The following CD9 variants were observed in gnomAD, a reference collection of about 807,000 sequenced individuals.
CD9 encodes the protein CD9 molecule.
In CD9, 10 loss-of-function variants were observed where a neutral mutation model predicts 31.4. That is an observed-to-expected ratio of 0.32 (90% CI 0.20 to 0.54). The LOEUF (loss-of-function observed/expected upper bound fraction) is 0.54. CD9 is among the 20% of genes least tolerant of loss of function. The pLI, the probability that CD9 is intolerant of heterozygous loss-of-function variation, is 0.94. For synonymous variants in CD9, 113 were observed against 114.1 expected, an observed-to-expected ratio of 0.99 and a Z score of 0.06; for missense variants, 259 against 300.1, an observed-to-expected ratio of 0.86 and a Z score of 1.01.
chr12:6,207,059 T>G (rs376213754), intron 1 of CD9, among the ~76,000 whole-genome samples: 83 of 152,232 alleles, frequency 5.5e-4, no homozygotes, highest in African/African-American at 1.9e-3. Flanking sequence ...CGGCTAATTT[T>G]TTTGTACAGA....
intron 4 of CD9, among the ~76,000 whole-genome samples, chr12:6,233,719 G>A (rs993954518): frequency 9.9e-5 from 15 of 152,062 alleles, no homozygotes; most frequent in African/African-American, 3.6e-4. Flanking sequence ...CATAGTAGAT[G>A]TTCAGAAACT....
intron 7 of CD9, 51 bp from the exon 8 acceptor site, chr12:6,237,712 C>A: frequency 7.2e-7 from 1 of 1,394,644 alleles, no homozygotes; most frequent in Non-Finnish European, 1.0e-6. Context: ...TTCCCTCAGC[C>A]TTCCTTCAGA....
At chr12:6,212,762 C>CCA (rs1378094989) in intron 1 of CD9, among the ~76,000 whole-genome samples, 1 of 152,192 alleles carries the variant, frequency 6.6e-6, no homozygotes, top group Admixed American at 6.5e-5. Context: ...ATCTCAGTGT[C>CCA]TAGAGCACTA....
At chr12:6,225,614 C>G in intron 2 of CD9, 80 bp downstream of exon 2, 1 of 875,354 alleles carries the variant, frequency 1.1e-6, no homozygotes, top group South Asian at 1.4e-5. Context: ...CCATGTTGAC[C>G]CAGGGACTTG....
upstream of CD9, chr12:6,200,398 A>G (rs1946061101): frequency 6.5e-6 from 5 of 764,410 alleles, no homozygotes; most frequent in Non-Finnish European, 9.4e-6. Context: ...AGACCAGCCT[A>G]CAGCCGCCTG....
intron 2 of CD9, among the ~76,000 whole-genome samples, chr12:6,228,017 G>T (rs559608776): frequency 6.6e-6 from 1 of 152,292 alleles, no homozygotes; most frequent in African/African-American, 2.4e-5. Flanking sequence ...GTGGCCGGTG[G>T]TCCTACCTGA....
At chr12:6,207,707 A>C (rs1367846084) in intron 1 of CD9, among the ~76,000 whole-genome samples, 2 of 152,218 alleles carry the variant, frequency 1.3e-5, no homozygotes, top group African/African-American at 2.4e-5. Flanking sequence ...CAAGGAGTTG[A>C]GAAGCAGCCT....
chr12:6,221,556 G>A lies in CD9; in HGVS notation c.67-3870G>A, dbSNP rs143796620. Among the ~76,000 whole-genome samples, 98 of 152,220 alleles carry A rather than the reference G, an allele frequency of 6.4e-4. No homozygotes were observed. The East Asian group carries it at 0.014, about 21-fold the overall frequency. On this transcript the variant is annotated intron_variant, in intron 1 of 7. Transcript: ENST00000009180. ...CCTGGGTGGAAGCCATCGACCCCTTGGCCTCCCGGACTCCTATATTCTCAT... is the reference window on the plus strand; with the variant it reads ...CCTGGGTGGAAGCCATCGACCCCTTAGCCTCCCGGACTCCTATATTCTCAT...
intron 2 of CD9, among the ~76,000 whole-genome samples, chr12:6,227,490 G>A (rs530263627): frequency 9.2e-5 from 14 of 152,238 alleles, no homozygotes; most frequent in Non-Finnish European, 1.6e-4. Context: ...GAGCCACCTC[G>A]CCCGGCTGGA....
intron 2 of CD9, among the ~76,000 whole-genome samples, chr12:6,226,526 G>A (rs1195672375): frequency 6.6e-6 from 1 of 152,178 alleles, no homozygotes; most frequent in East Asian, 1.9e-4. Flanking sequence ...GTCCCTCAGG[G>A]AGAAGCAAGG....
chr12:6,210,486 C>A (rs1338223883), intron 1 of CD9, among the ~76,000 whole-genome samples: 1 of 152,142 alleles, frequency 6.6e-6, no homozygotes, highest in East Asian at 1.9e-4. Context: ...CACCCACTAC[C>A]CCCACTGCCC....
upstream of CD9, chr12:6,200,213 G>A (rs1031497328): frequency 2.0e-4 from 33 of 162,778 alleles, 1 homozygote; most frequent in Non-Finnish European, 2.1e-4. Context: ...GGGCAGCTGG[G>A]GCCGGGGCTC....
At position 6,228,013 on chromosome 12, in the gene CD9, G is replaced by A. The variant is rs532324107; in HGVS notation, c.175+2479G>A. Among the ~76,000 whole-genome samples, 125 of 152,320 alleles carry A rather than the reference G, an allele frequency of 8.2e-4. 1 individual carries two copies. The highest frequency in any genetic ancestry group is 2.9e-3 in the African/African-American group (120 of 41,582). ...TCATTGCAGGGCCCTGCTGGTGGCC[G>A]GTGGTCCTACCTGAAGTGACCAGGA... On this transcript the variant is annotated intron_variant, in intron 2 of 7. Coordinates refer to ENST00000009180, the MANE Select transcript of CD9 (RefSeq NM_001769.4).
At chr12:6,220,288 G>A (rs888424259) in intron 1 of CD9, among the ~76,000 whole-genome samples, 4 of 152,304 alleles carry the variant, frequency 2.6e-5, no homozygotes, top group African/African-American at 7.2e-5. Context: ...GGCTGAACTC[G>A]GGAAACTTGG....
intron 1 of CD9, among the ~76,000 whole-genome samples, chr12:6,215,415 A>T (rs1946234518): frequency 6.6e-6 from 1 of 152,104 alleles, no homozygotes; most frequent in South Asian, 2.1e-4. Context: ...GTGTTGGAAA[A>T]CAGAGTGCCG....
intron 1 of CD9, among the ~76,000 whole-genome samples, chr12:6,207,789 G>A (rs556126479): frequency 6.6e-6 from 1 of 152,212 alleles, no homozygotes; most frequent in Non-Finnish European, 1.5e-5. Context: ...TCCAGAGGAG[G>A]TCCCGGTAGA....
intron 1 of CD9, among the ~76,000 whole-genome samples, chr12:6,214,264 C>T (rs999367300): frequency 1.3e-5 from 2 of 149,084 alleles, no homozygotes; most frequent in African/African-American, 4.9e-5. Flanking sequence ...GGTCCTTGTA[C>T]ATAGTAACTT....
At chr12:6,207,579 A>G (rs1284418872) in intron 1 of CD9, among the ~76,000 whole-genome samples, 3 of 152,206 alleles carry the variant, frequency 2.0e-5, no homozygotes, top group Non-Finnish European at 4.4e-5. Flanking sequence ...TTGTTCAGGA[A>G]GAAAGGAGGT....
chr12:6,237,803 T>C lies in CD9; in HGVS notation c.662T>C (p.Ile221Thr). The change falls in exon 8 of 8, where the codon ATC becomes ACC. Residue 221 changes from isoleucine to threonine, a missense_variant. Ile to Thr is a moderately conservative substitution (Grantham distance 89). Transcript: ENST00000009180. Reference protein sequence around the residue: ...MIFSMILCCAIRRNREMV With the variant: ...MIFSMILCCATRRNREMV ...TTCAGTATGATCTTGTGCTGTGCTA[T>C]CCGCAGGAACCGCGAGATGGTCTAG... is the stretch of plus-strand genomic sequence containing the variant. 2 of 1,613,632 alleles carry C rather than the reference T, an allele frequency of 1.2e-6. No homozygotes were observed. The highest frequency in any genetic ancestry group is 1.7e-6 in the Non-Finnish European group (2 of 1,179,516).
Sources: gnomAD v4.1 joint callset for allele counts (sites outside exome capture counted in the v4.1 genomes callset) on GRCh38, gnomAD v4.1.1 for gene constraint, MANE v1.5 for transcripts, NCBI Gene and HGNC (gene_info 2026-07-23, HGNC 2026-07-21) for gene names.